Variants in PEBP4 observed in about 807,000 individuals in gnomAD.
The protein encoded by PEBP4 is phosphatidylethanolamine binding protein 4.
In PEBP4, 22 loss-of-function variants were observed where a neutral mutation model predicts 23.9. The observed-to-expected ratio is 0.92, with a 90% CI of 0.66 to 1.31. The LOEUF is 1.31. Among genes scored for constraint, PEBP4 ranks in the 40% most tolerant of loss-of-function variants. The probability of loss-of-function intolerance (pLI) is 0.00; values close to 1 mark genes in which losing one functional copy is unlikely to be tolerated. For synonymous variants in PEBP4, 112 were observed against 99.3 expected (o/e 1.13, Z -0.76); for missense variants, 324 against 281.7 (o/e 1.15, Z -1.07).
At chr8:22,741,776 G>A (rs2128750589) in intron 4 of PEBP4, among the ~76,000 whole-genome samples, 1 of 152,348 alleles carries the variant, frequency 6.6e-6, no homozygotes, top group Admixed American at 6.5e-5. Context: ...GGAGAGCGGG[G>A]TTGGGGGCAG....
intron 4 of PEBP4, among the ~76,000 whole-genome samples, chr8:22,808,906 T>C (rs1806557600): frequency 6.6e-6 from 1 of 152,172 alleles, no homozygotes. Context: ...GCGGTGTGGG[T>C]CAGACAATCA....
At chr8:22,881,582 A>G (rs1452388581) in intron 3 of PEBP4, among the ~76,000 whole-genome samples, 1 of 152,240 alleles carries the variant, frequency 6.6e-6, no homozygotes, top group Non-Finnish European at 1.5e-5. Flanking sequence ...AGAAGAAATT[A>G]GTGGAAATCC....
At chr8:22,755,128 G>A (rs934279171) in intron 4 of PEBP4, among the ~76,000 whole-genome samples, 3 of 152,262 alleles carry the variant, frequency 2.0e-5, no homozygotes, top group South Asian at 2.1e-4. Flanking sequence ...CTGCTATAAC[G>A]GTGACTCTTC....
At chr8:22,906,529 A>G (rs1446765230) in intron 3 of PEBP4, among the ~76,000 whole-genome samples, 1 of 151,222 alleles carries the variant, frequency 6.6e-6, no homozygotes, top group African/African-American at 2.4e-5. Flanking sequence ...CAAACAAAAA[A>G]CCCCTCTGTC....
At chr8:22,820,748 C>T (rs574035342) in intron 3 of PEBP4, among the ~76,000 whole-genome samples, 18 of 152,060 alleles carry the variant, frequency 1.2e-4, no homozygotes, top group East Asian at 7.7e-4. Flanking sequence ...ATGGCTAGGC[C>T]GTAAGGCATC....
Position 22,934,867 on chromosome 8 carries a change from T to C in PEBP4, c.145-7147A>G, listed in dbSNP as rs570736894. 2.0e-5 allele frequency among the ~76,000 whole-genome samples: 3 copies of C among 152,318 alleles called. No homozygotes were observed. In the East Asian group the frequency reaches 5.8e-4, roughly 29 times the overall value. ...TTAAAAATGATTCAATTATATACTG[T>C]CCACAATAGACTTGCTTTAGCTCTA... On this transcript the variant is annotated intron_variant, in intron 1 of 1. Coordinates refer to the PEBP4 transcript ENST00000522278.
chr8:22,852,298 GTTC>G (rs1383943656), intron 3 of PEBP4, among the ~76,000 whole-genome samples: 4 of 152,154 alleles, frequency 2.6e-5, no homozygotes, highest in East Asian at 3.8e-4. Context: ...TGAGTTTCTT[GTTC>G]TTCTTTTTTT....
chr8:22,840,707 G>A (rs1807308667), intron 3 of PEBP4, among the ~76,000 whole-genome samples: 2 of 152,204 alleles, frequency 1.3e-5, no homozygotes, highest in African/African-American at 4.8e-5. Context: ...GAGAATGTCT[G>A]TGTTAAAGGC....
chr8:22,721,177 A>G (rs1175646318), intron 6 of PEBP4, among the ~76,000 whole-genome samples: 1 of 152,148 alleles, frequency 6.6e-6, no homozygotes, highest in African/African-American at 2.4e-5. Flanking sequence ...TGGTCCCTGC[A>G]TTTATTTGGC....
chr8:22,892,917 C>T (rs1055019921), intron 3 of PEBP4, among the ~76,000 whole-genome samples: 2 of 152,156 alleles, frequency 1.3e-5, no homozygotes, highest in African/African-American at 2.4e-5. Flanking sequence ...TGACAGTCAC[C>T]TTGAGTTGAG....
intron 3 of PEBP4, among the ~76,000 whole-genome samples, chr8:22,836,418 A>G (rs1197169437): frequency 1.3e-5 from 2 of 152,238 alleles, no homozygotes; most frequent in African/African-American, 4.8e-5. Context: ...AAATTCCTGC[A>G]CACCTAGGTC....
chr8:22,750,324 A>T (rs1805228377), intron 4 of PEBP4, among the ~76,000 whole-genome samples: 1 of 141,176 alleles, frequency 7.1e-6, no homozygotes, highest in Non-Finnish European at 1.5e-5. Flanking sequence ...CTGGTCTCAA[A>T]CCCCTGACCT....
chr8:22,937,744 C>G (rs758776010), intron 1 of PEBP4, among the ~76,000 whole-genome samples: 1 of 151,886 alleles, frequency 6.6e-6, no homozygotes, highest in Non-Finnish European at 1.5e-5. Context: ...AATAGGCCAA[C>G]GGAATAGACT....
chr8:22,776,256 C>A (rs1805813097), intron 4 of PEBP4, among the ~76,000 whole-genome samples: 1 of 152,308 alleles, frequency 6.6e-6, no homozygotes, highest in Non-Finnish European at 1.5e-5. Flanking sequence ...GAAGCCATTG[C>A]AAACCCTTCC....
intron 3 of PEBP4, among the ~76,000 whole-genome samples, chr8:22,835,882 C>T (rs933522267): frequency 2.0e-5 from 3 of 152,250 alleles, no homozygotes; most frequent in Non-Finnish European, 4.4e-5. Context: ...CAAAAGGTCC[C>T]AGTTTCTTCA....
intron 4 of PEBP4, among the ~76,000 whole-genome samples, chr8:22,729,782 G>A (rs1804695200): frequency 6.6e-6 from 1 of 152,206 alleles, no homozygotes; most frequent in Non-Finnish European, 1.5e-5. Context: ...AAGAACGGGG[G>A]AGGACCTGGT....
At chr8:22,785,543 A>G (rs17088620) in intron 4 of PEBP4, among the ~76,000 whole-genome samples, 2,749 of 152,262 alleles carry the variant, frequency 0.018, 82 homozygotes, top group African/African-American at 0.063. Flanking sequence ...CTCCCTGGCC[A>G]CAGATCCTGC....
At position 22,799,738 on chromosome 8, in the gene PEBP4, G is replaced by A. The variant is rs561192148; in HGVS notation, c.357+17899C>T. On this transcript the variant is annotated intron_variant, in intron 4 of 6. Coordinates refer to ENST00000256404, the MANE Select transcript of PEBP4 (RefSeq NM_144962.3). ...CCCACGACAGGCCCTGGTGTGTGAC[G>A]TTCCCCACCCTGTGTCCAAGTGTTC... Among the ~76,000 whole-genome samples the A allele has an allele frequency of 1.9e-3, 283 of 152,138 alleles. 1 individual carries two copies. The highest frequency in any genetic ancestry group is 6.7e-3 in the African/African-American group (276 of 41,484).
At chr8:22,763,683 A>G (rs1280365212) in intron 4 of PEBP4, among the ~76,000 whole-genome samples, 1 of 152,212 alleles carries the variant, frequency 6.6e-6, no homozygotes, top group African/African-American at 2.4e-5. Context: ...AATTAAGGTT[A>G]GCTATCATTA....
Sources: gnomAD v4.1 joint callset for allele counts (sites outside exome capture counted in the v4.1 genomes callset) on GRCh38, gnomAD v4.1.1 for gene constraint, MANE v1.5 for transcripts, NCBI Gene and HGNC (gene_info 2026-07-23, HGNC 2026-07-21) for gene names.